CACNG3: variants seen among roughly 807,000 people sequenced by gnomAD.
CACNG3 encodes the protein calcium voltage-gated channel auxiliary subunit gamma 3.
CACNG3 carries 3 observed loss-of-function variants against 28.5 expected under a neutral mutation model. The ratio of observed to expected loss-of-function variants is 0.11; its 90% confidence interval spans 0.05 to 0.27. The LOEUF is 0.27. CACNG3 is among the 10% of genes least tolerant of loss of function. The probability of loss-of-function intolerance (pLI) is 1.00; values close to 1 mark genes in which losing one functional copy is unlikely to be tolerated. For missense variants in CACNG3, 236 were observed against 414.4 expected (o/e 0.57, Z 3.74); for synonymous variants, 174 against 162.2 (o/e 1.07, Z -0.55).
chr16:24,281,381 T>TA (rs1362985030), intron 1 of CACNG3, among the ~76,000 whole-genome samples: 1 of 151,778 alleles, frequency 6.6e-6, no homozygotes, highest in Admixed American at 6.6e-5. Context: ...TGACTTTTTT[T>TA]TTTTGGTAGA....
At chr16:24,332,604 C>A (rs1007965259) in intron 1 of CACNG3, among the ~76,000 whole-genome samples, 1 of 152,122 alleles carries the variant, frequency 6.6e-6, no homozygotes. Flanking sequence ...AATTGCTATA[C>A]CCTAAGTGCT....
At chr16:24,293,897 T>C (rs529360396) in intron 1 of CACNG3, among the ~76,000 whole-genome samples, 1 of 152,206 alleles carries the variant, frequency 6.6e-6, no homozygotes. Context: ...ATATTGAAAA[T>C]ATGGGTGAAA....
chr16:24,294,922 C>T (rs990100853), intron 1 of CACNG3, among the ~76,000 whole-genome samples: 1 of 152,162 alleles, frequency 6.6e-6, no homozygotes, highest in African/African-American at 2.4e-5. Flanking sequence ...TTCATTCATT[C>T]ATTCCTCCTA....
intron 1 of CACNG3, among the ~76,000 whole-genome samples, chr16:24,322,027 A>G (rs562035852): frequency 6.6e-6 from 1 of 152,212 alleles, no homozygotes; most frequent in Non-Finnish European, 1.5e-5. Context: ...CCCGTGTACC[A>G]GATGAGGAAA....
chr16:24,312,896 G>A (rs1446912838), intron 1 of CACNG3, among the ~76,000 whole-genome samples: 3 of 111,708 alleles, frequency 2.7e-5, no homozygotes, highest in African/African-American at 1.1e-4. Flanking sequence ...GAAAGAAAAG[G>A]AAAGAAAGAA....
chr16:24,306,897 A>C (rs1413196687), intron 1 of CACNG3, among the ~76,000 whole-genome samples: 1 of 152,064 alleles, frequency 6.6e-6, no homozygotes, highest in Non-Finnish European at 1.5e-5. Context: ...CTGGCCCCTT[A>C]GTCTGTTTGA....
At chr16:24,281,733 A>T (rs1240201479) in intron 1 of CACNG3, among the ~76,000 whole-genome samples, 1 of 152,210 alleles carries the variant, frequency 6.6e-6, no homozygotes, top group Non-Finnish European at 1.5e-5. Context: ...GATAAATGAC[A>T]ACCATTATTG....
At chr16:24,329,144 G>A (rs1027657374) in intron 1 of CACNG3, among the ~76,000 whole-genome samples, 3 of 152,202 alleles carry the variant, frequency 2.0e-5, no homozygotes, top group South Asian at 4.1e-4. Context: ...GGAGGGAGGC[G>A]TCCAGGTCTT....
intron 1 of CACNG3, among the ~76,000 whole-genome samples, chr16:24,338,911 T>C (rs1236816000): frequency 6.6e-6 from 1 of 152,186 alleles, no homozygotes; most frequent in Admixed American, 6.5e-5. Context: ...AAATGAGTTT[T>C]TCTCTTGTTC....
rs1184716693 is a variant in CACNG3, at chr16:24,351,817, TTC to T, written c.296-3002_296-3001del. Reference sequence around the variant, plus strand: ...AAACCAAAGCAAAATCCCTTCCATCTTCTCTCTCTCTCTCTTTTTTTTTTTTT... The same window carrying T: ...AAACCAAAGCAAAATCCCTTCCATCTTCTCTCTCTCTCTTTTTTTTTTTTT... On this transcript the variant is annotated intron_variant, in intron 2 of 3. Transcript: ENST00000005284. Among the ~76,000 whole-genome samples the T allele has an allele frequency of 5.7e-5, 8 of 139,536 alleles. No homozygotes were observed. In the East Asian group the frequency reaches 6.6e-4, roughly 11 times the overall value. The allele number at this position is 139,536 out of a possible 152,430, so 91.5% of individuals were successfully genotyped here.
At chr16:24,288,397 G>C (rs1898922467) in intron 1 of CACNG3, among the ~76,000 whole-genome samples, 1 of 152,180 alleles carries the variant, frequency 6.6e-6, no homozygotes, top group Non-Finnish European at 1.5e-5. Flanking sequence ...CAGTTAGTAA[G>C]TATTGGACCT....
chr16:24,358,514 T>G lies in CACNG3; in HGVS notation c.437-2838T>G, dbSNP rs998146419. On this transcript the variant is annotated intron_variant, in intron 3 of 3. Coordinates refer to ENST00000005284, the MANE Select transcript of CACNG3 (RefSeq NM_006539.4). ...TCATGTACAATGTACCATTTAATTC[T>G]CATATCAACTCCACTTATTCACCCA... Among the ~76,000 whole-genome samples, 14 of 152,322 alleles carry G rather than the reference T, an allele frequency of 9.2e-5. 2 individuals are homozygous for G. The highest frequency in any genetic ancestry group is 3.9e-4 in the East Asian group (2 of 5,172).
At chr16:24,297,286 A>C (rs1899045018) in intron 1 of CACNG3, among the ~76,000 whole-genome samples, 1 of 151,260 alleles carries the variant, frequency 6.6e-6, no homozygotes, top group African/African-American at 2.4e-5. Context: ...AAATAAATAA[A>C]TAAATAAATA....
intron 1 of CACNG3, among the ~76,000 whole-genome samples, chr16:24,285,013 C>CA (rs370618917): frequency 0.017 from 1,626 of 94,652 alleles, 21 homozygotes; most frequent in East Asian, 0.022. Flanking sequence ...GGATTCCCAT[C>CA]AAAAAAAAAA....
chr16:24,332,748 C>T (rs574430201), intron 1 of CACNG3, among the ~76,000 whole-genome samples: 37 of 152,070 alleles, frequency 2.4e-4, no homozygotes, highest in African/African-American at 7.5e-4. Flanking sequence ...CATTCATGAC[C>T]GGACCAGTTA....
Position 24,354,946 on chromosome 16 carries a change from A to G in CACNG3, c.409A>G (p.Ser137Gly). ...CCGCAGCAGACACAACGTCATTCTC[A>G]GCGCGGGCATCTTTTTTGTCTCTGC... ...FHRSRHNVIL[S>G]AGIFFVSAGL... Residue 137 changes from serine to glycine, a missense_variant, in exon 3 of 4, where the codon AGC becomes GGC. This residue lies in a region of CACNG3 where 120 missense variants were observed against 263.4 expected (regional missense o/e 0.46). Transcript: ENST00000005284. The G allele has an allele frequency of 6.2e-7, 1 of 1,612,796 alleles. No individual in the cohort carries two copies. The highest frequency in any genetic ancestry group is 8.5e-7 in the Non-Finnish European group (1 of 1,179,998).
rs761527340 is a variant in CACNG3, at chr16:24,315,280, G to A, written c.212-31454G>A. On this transcript the variant is annotated intron_variant, in intron 1 of 3. Transcript: ENST00000005284. ...ATCTCTGCATCTCACCCAGACATTC[G>A]GCAGGGGGAAGGGTCTCCTCCGAAT... Among the ~76,000 whole-genome samples, 105 of 151,898 alleles carry A rather than the reference G, an allele frequency of 6.9e-4. 3 individuals carry two copies. Among genetic ancestry groups the A allele is most frequent in the Non-Finnish European group, 2.1e-4 (14 of 67,984 alleles).
chr16:24,303,437 G>A (rs1452608105), intron 1 of CACNG3, among the ~76,000 whole-genome samples: 1 of 152,048 alleles, frequency 6.6e-6, no homozygotes, highest in East Asian at 1.9e-4. Flanking sequence ...TGATCCTCCT[G>A]CCTCAGACTC....
chr16:24,291,577 T>A (rs1229310239), intron 1 of CACNG3, among the ~76,000 whole-genome samples: 1 of 151,888 alleles, frequency 6.6e-6, no homozygotes, highest in East Asian at 1.9e-4. Context: ...CTTAGAAAAA[T>A]TTTGTTGGTG....
Sources: allele counts gnomAD v4.1 joint callset (sites outside exome capture counted in the v4.1 genomes callset), GRCh38; gene constraint gnomAD v4.1.1; regional missense constraint gnomAD v4.1.1; transcripts MANE v1.5; gene names NCBI Gene and HGNC (gene_info 2026-07-23, HGNC 2026-07-21).